The following GLI2 variants were observed in gnomAD, a reference collection of about 807,000 sequenced individuals.
The protein encoded by GLI2 is transcription activator GLI2.
Under a neutral mutation model 78.9 loss-of-function variants are expected in GLI2, and 22 were observed. The ratio of observed to expected loss-of-function variants is 0.28; its 90% CI spans 0.20 to 0.40. The LOEUF is 0.40. Ranked by LOEUF, GLI2 falls within the 10% of genes least tolerant of loss-of-function variation. The probability of loss-of-function intolerance (pLI) is 1.00; values close to 1 mark genes in which losing one functional copy is unlikely to be tolerated. For synonymous variants in GLI2, 974 were observed against 963.7 expected, an observed-to-expected ratio of 1.01 and a Z score of -0.20; for missense variants, 2,097 against 2,213.2, an observed-to-expected ratio of 0.95 and a Z score of 1.05.
chr2:120,924,384 A>C (rs915115987), intron 2 of GLI2, among the ~76,000 whole-genome samples: 2 of 152,118 alleles, frequency 1.3e-5, no homozygotes, highest in Admixed American at 6.5e-5. Flanking sequence ...AGCCATTCAG[A>C]GCCTTCGATT....
intron 1 of GLI2, among the ~76,000 whole-genome samples, chr2:120,748,701 G>T (rs572437621): frequency 6.6e-6 from 1 of 152,294 alleles, no homozygotes; most frequent in Non-Finnish European, 1.5e-5. Context: ...TTGATCATCA[G>T]CTTTGCCTTC....
chr2:120,872,061 A>T lies in GLI2; in HGVS notation c.149-55300A>T, dbSNP rs545510376. ...GTGCAGGCGGGTGAGGGGCCCTGGA[A>T]GGGAGCACAAAGTTTGTTGTGCCAG... On this transcript the variant is annotated intron_variant, in intron 2 of 13. Coordinates refer to ENST00000361492, the MANE Select transcript of GLI2 (RefSeq NM_001374353.1). 6.4e-4 allele frequency among the ~76,000 whole-genome samples: 97 copies of T among 152,306 alleles called. 1 individual carries two copies. The South Asian group carries it at 0.02, about 31-fold the overall frequency.
At chr2:120,808,637 C>G (rs912329397) in intron 2 of GLI2, among the ~76,000 whole-genome samples, 2 of 152,194 alleles carry the variant, frequency 1.3e-5, no homozygotes, top group Non-Finnish European at 2.9e-5. Flanking sequence ...CAATGGCCCT[C>G]TACGCCATGT....
rs1273661890 is a variant in GLI2, at chr2:120,905,602, G to A, written c.149-21759G>A. Among the ~76,000 whole-genome samples, 5 of 152,302 alleles carry A rather than the reference G, an allele frequency of 3.3e-5. No homozygotes were observed. In the East Asian group the frequency reaches 5.8e-4, roughly 18 times the overall value. ...TGAGTTCTCTGTGTCTGGGAGCAGG[G>A]AGTTGCCAAAGACCAGGCTGACCTG... On this transcript the variant is annotated intron_variant, in intron 2 of 13. Coordinates refer to ENST00000361492, the MANE Select transcript of GLI2 (RefSeq NM_001374353.1).
rs113631877 is a variant in GLI2, at chr2:120,987,816, A to G, written c.2243-392A>G. On this transcript the variant is annotated intron_variant, in intron 13 of 13. Transcript: ENST00000361492. ...GCCAGAGAAAGGAGAATTCAAGGCC[A>G]GACAGATAATGGTAAAGTGAAGATA... Among the ~76,000 whole-genome samples, 789 of 152,368 alleles carry G rather than the reference A, an allele frequency of 5.2e-3. 3 individuals are homozygous for G. The highest frequency in any genetic ancestry group is 8.0e-3 in the Non-Finnish European group (545 of 68,030).
In GLI2 at chr2:120,988,582, C is replaced by CG. The variant is rs1558941175; in HGVS notation, c.2620dup (p.Ala874GlyfsTer140). The CG allele has an allele frequency of 2.7e-6, 4 of 1,492,018 alleles. No homozygotes were observed. The highest frequency in any genetic ancestry group is 3.5e-6 in the Non-Finnish European group (4 of 1,127,172). The allele number at this position is 1,492,018 out of a possible 1,614,324, so 92.4% of individuals were successfully genotyped here. A position where few individuals can be genotyped will look rare whatever the true frequency, so the allele number is the denominator to read the frequency against. Reference sequence around the variant, plus strand: ...CACGCCGGCGCAGCAGTACAGCCTGCGGGCCAAGTACGCGGCAGCCACTGG... The same window carrying CG: ...CACGCCGGCGCAGCAGTACAGCCTGCGGGGCCAAGTACGCGGCAGCCACTGG... On this transcript the variant is annotated frameshift_variant, in exon 14 of 14. Coordinates refer to ENST00000361492, the MANE Select transcript of GLI2 (RefSeq NM_001374353.1). LOFTEE classifies it low-confidence loss of function (END_TRUNC).
At position 120,990,100 on chromosome 2, in the gene GLI2, G is replaced by T. The variant is rs751479828; in HGVS notation, c.4135G>T (p.Ala1379Ser). 3 of 1,599,734 alleles carry T rather than the reference G, an allele frequency of 1.9e-6. No individual in the cohort carries two copies. In the Admixed American group the frequency reaches 5.0e-5, roughly 27 times the overall value. The change falls in exon 14 of 14, where the codon GCC (alanine) becomes TCC (serine). Residue 1379 changes from alanine to serine, a missense_variant. Around this residue, in one of 5 missense-constraint regions of GLI2, gnomAD observed 1,290 missense variants for 1,261.7 expected, o/e 1.02. Coordinates refer to ENST00000361492, the MANE Select transcript of GLI2 (RefSeq NM_001374353.1). Reference protein sequence around the residue: ...VRAVQQQLAYARATGHAMAAM... With the variant: ...VRAVQQQLAYSRATGHAMAAM... ...TGCTGTGCAGCAGCAGCTGGCCTAC[G>T]CCAGGGCCACAGGCCATGCCATGGC...
intron 1 of GLI2, among the ~76,000 whole-genome samples, chr2:120,776,499 C>T (rs1273966793): frequency 6.6e-6 from 1 of 152,146 alleles, no homozygotes; most frequent in Non-Finnish European, 1.5e-5. Context: ...CCTCCCTCTG[C>T]CTCGAGCCCT....
intron 2 of GLI2, among the ~76,000 whole-genome samples, chr2:120,899,410 C>T (rs1573563059): frequency 3.0e-5 from 2 of 66,766 alleles, no homozygotes; most frequent in African/African-American, 2.4e-4. Context: ...CACACATACA[C>T]ACACACACAC....
At chr2:120,974,834 C>A in intron 8 of GLI2, 141 bp from the exon 9 acceptor site, 2 of 1,113,438 alleles carry the variant, frequency 1.8e-6, no homozygotes, top group Non-Finnish European at 2.7e-6. Flanking sequence ...TGTGCACACA[C>A]ACCTGTAACA....
At chr2:120,925,738 T>C (rs1014919122) in intron 2 of GLI2, among the ~76,000 whole-genome samples, 5 of 152,056 alleles carry the variant, frequency 3.3e-5, no homozygotes, top group Admixed American at 6.6e-5. Context: ...TACACAACAA[T>C]GCAAAGGGGC....
chr2:120,954,525 A>C (rs1681148010), intron 4 of GLI2, among the ~76,000 whole-genome samples: 1 of 152,182 alleles, frequency 6.6e-6, no homozygotes. Context: ...GCCGTAGTGC[A>C]CAGTGGCTAG....
intron 2 of GLI2, among the ~76,000 whole-genome samples, chr2:120,811,721 G>T (rs918002953): frequency 4.6e-5 from 7 of 152,124 alleles, no homozygotes; most frequent in African/African-American, 1.7e-4. Flanking sequence ...AGGGCTTTGA[G>T]CAGGGGAGGG....
chr2:120,975,154 A>G (rs1410445928), intron 9 of GLI2, 45 bp downstream of exon 9: 3 of 1,595,218 alleles, frequency 1.9e-6, no homozygotes, highest in South Asian at 1.1e-5. Context: ...GGCACGGCCC[A>G]GGCCATGCAG....
At chr2:120,845,921 C>A (rs574960046) in intron 2 of GLI2, among the ~76,000 whole-genome samples, 1 of 152,296 alleles carries the variant, frequency 6.6e-6, no homozygotes, top group East Asian at 1.9e-4. Context: ...ACAACCCTTT[C>A]CAATTTACAG....
intron 2 of GLI2, among the ~76,000 whole-genome samples, chr2:120,870,747 G>A (rs1242538339): frequency 1.3e-5 from 2 of 152,114 alleles, no homozygotes; most frequent in East Asian, 3.9e-4. Context: ...GTCATCATAG[G>A]TGTGTGATTT....
At chr2:120,811,189 G>A (rs1685221485) in intron 2 of GLI2, among the ~76,000 whole-genome samples, 1 of 152,208 alleles carries the variant, frequency 6.6e-6, no homozygotes, top group African/African-American at 2.4e-5. Flanking sequence ...CCGCCTCCCT[G>A]AAGCCAGATG....
intron 1 of GLI2, among the ~76,000 whole-genome samples, chr2:120,749,480 G>C (rs1682801028): frequency 6.6e-6 from 1 of 152,204 alleles, no homozygotes; most frequent in Non-Finnish European, 1.5e-5. Flanking sequence ...GTGGGAGGCA[G>C]GATGTTTTGG....
intron 2 of GLI2, among the ~76,000 whole-genome samples, chr2:120,811,691 G>A (rs938461842): frequency 6.6e-6 from 1 of 151,762 alleles, no homozygotes; most frequent in Non-Finnish European, 1.5e-5. Flanking sequence ...TTGGATGGAG[G>A]GGTAGTAGGG....
Sources: allele counts gnomAD v4.1 joint callset (sites outside exome capture counted in the v4.1 genomes callset), GRCh38; gene constraint gnomAD v4.1.1; regional missense constraint gnomAD v4.1.1; transcripts MANE v1.5; gene names NCBI Gene and HGNC (gene_info 2026-07-23, HGNC 2026-07-21).